AGMO: variants seen among roughly 807,000 people sequenced by gnomAD.
AGMO encodes glyceryl-ether monooxygenase.
A neutral mutation model predicts 60.2 loss-of-function variants in AGMO; 75 were observed. The ratio of observed to expected loss-of-function variants is 1.25; its 90% confidence interval spans 1.03 to 1.51. The LOEUF (loss-of-function observed/expected upper bound fraction) is 1.51, where lower values mean the gene tolerates loss of function less well. Among genes scored for constraint, AGMO ranks in the 40% most tolerant of loss-of-function variants. The probability of loss-of-function intolerance (pLI) is 0.00; values close to 1 mark genes in which losing one functional copy is unlikely to be tolerated. For synonymous variants in AGMO, 261 were observed against 177.1 expected, an observed-to-expected ratio of 1.47 and a Z score of -3.76; for missense variants, 763 against 525.5, an observed-to-expected ratio of 1.45 and a Z score of -4.42.
the AGMO span, among the ~76,000 whole-genome samples, chr7:15,175,977 C>T: frequency 2.0e-5 from 3 of 151,756 alleles, no homozygotes; most frequent in African/African-American, 7.3e-5. Context: ...ATACATGGAA[C>T]CAAGATCACA....
chr7:15,446,382 A>C (rs1425542074), intron 3 of AGMO, among the ~76,000 whole-genome samples: 1 of 152,226 alleles, frequency 6.6e-6, no homozygotes, highest in Non-Finnish European at 1.5e-5. Flanking sequence ...CAACTTAAAA[A>C]TATCAATAAA....
chr7:15,164,687 CA>C, the AGMO span, among the ~76,000 whole-genome samples: 4 of 151,874 alleles, frequency 2.6e-5, no homozygotes, highest in African/African-American at 9.7e-5. Flanking sequence ...GTTTAAACCA[CA>C]ATGAGATACT....
intron 3 of AGMO, among the ~76,000 whole-genome samples, chr7:15,496,356 T>C (rs924643401): frequency 6.6e-6 from 1 of 152,132 alleles, no homozygotes; most frequent in Non-Finnish European, 1.5e-5. Flanking sequence ...ATGTTATACC[T>C]CAACAAAAAG....
At chr7:15,376,741 G>A (rs1186319125) in intron 10 of AGMO, among the ~76,000 whole-genome samples, 3 of 151,924 alleles carry the variant, frequency 2.0e-5, no homozygotes, top group African/African-American at 7.3e-5. Flanking sequence ...TTTCCAACAT[G>A]TACTCATGAT....
rs1249236900 is a variant in AGMO at position 15,223,507 on chromosome 7, G to T, written c.1264-22148C>A. 2.0e-5 allele frequency among the ~76,000 whole-genome samples: 3 copies of T among 151,944 alleles called. No homozygotes were observed. In the East Asian group the frequency reaches 5.8e-4, roughly 29 times the overall value. ...GGTAGATGCTATAACTTTTTAAAAA[G>T]AAAATGTAAAGAACAGACACATTTA... On this transcript the variant is annotated intron_variant, in intron 12 of 12. Coordinates refer to ENST00000342526, the MANE Select transcript of AGMO (RefSeq NM_001004320.2).
At position 15,354,341 on chromosome 7, in the gene AGMO, C is replaced by CAGGCGTGTATATAG. The variant is rs1554422552; in HGVS notation, c.1263+11172_1263+11173insCTATATACACGCCT. 2.9e-4 allele frequency among the ~76,000 whole-genome samples: 10 copies of CAGGCGTGTATATAG among 34,062 alleles called. 2 individuals are homozygous for CAGGCGTGTATATAG. Among genetic ancestry groups the CAGGCGTGTATATAG allele is most frequent in the South Asian group, 9.4e-4 (1 of 1,060 alleles). 22.3% of individuals were successfully genotyped at this position (34,062 alleles called of 152,430 possible). On this transcript the variant is annotated intron_variant, in intron 12 of 12. Transcript: ENST00000342526. Reference sequence around the variant, plus strand: ...GTGTATATACGTACGCGTGTATATACACGCGTGTATATAGACGTGTGTATA... The same window carrying CAGGCGTGTATATAG: ...GTGTATATACGTACGCGTGTATATACAGGCGTGTATATAGACGCGTGTATATAGACGTGTGTATA...
chr7:15,236,782 T>C (rs200762929), intron 12 of AGMO, among the ~76,000 whole-genome samples: 7 of 151,684 alleles, frequency 4.6e-5, no homozygotes, highest in East Asian at 1.9e-4. Context: ...CAAAAAAAAA[T>C]GGAGTCTAGT....
At chr7:15,527,074 A>G (rs1312047335) in intron 3 of AGMO, among the ~76,000 whole-genome samples, 2 of 152,154 alleles carry the variant, frequency 1.3e-5, no homozygotes, top group Admixed American at 1.3e-4. Flanking sequence ...AATTAAGCCA[A>G]TTAATAACCC....
At chr7:15,500,629 A>C (rs1783358688) in intron 3 of AGMO, among the ~76,000 whole-genome samples, 1 of 151,906 alleles carries the variant, frequency 6.6e-6, no homozygotes, top group South Asian at 2.1e-4. Context: ...TAAAGGAAGA[A>C]AAGAACCAAC....
intron 3 of AGMO, among the ~76,000 whole-genome samples, chr7:15,473,002 T>C (rs1782489319): frequency 6.6e-6 from 1 of 151,918 alleles, no homozygotes; most frequent in Non-Finnish European, 1.5e-5. Flanking sequence ...AAAGCTAATT[T>C]TCCTCAGTGT....
chr7:15,135,979 C>CTTTTTTTTTTTTTTTTTTTGTTT, the AGMO span, among the ~76,000 whole-genome samples: 1 of 106,870 alleles, frequency 9.4e-6, no homozygotes, highest in Non-Finnish European at 1.8e-5. Flanking sequence ...TTTTTCTTTT[C>CTTTTTTTTTTTTTTTTTTTGTTT]TTTTTTTTTT....
intron 3 of AGMO, among the ~76,000 whole-genome samples, chr7:15,522,720 T>A (rs767263702): frequency 2.4e-4 from 36 of 152,150 alleles, no homozygotes; most frequent in Non-Finnish European, 4.9e-4. Flanking sequence ...GATTTAAACA[T>A]AGGTCCTCAA....
intron 3 of AGMO, among the ~76,000 whole-genome samples, chr7:15,444,053 A>G (rs1279020522): frequency 3.3e-5 from 5 of 152,194 alleles, no homozygotes; most frequent in African/African-American, 1.2e-4. Flanking sequence ...ACTATTTTGT[A>G]TCCACCACTA....
chr7:15,502,903 C>T (rs751621746), intron 3 of AGMO, among the ~76,000 whole-genome samples: 3 of 151,974 alleles, frequency 2.0e-5, no homozygotes, highest in African/African-American at 7.2e-5. Context: ...TAGATTTCTG[C>T]TTCTGTGCTA....
the AGMO span, among the ~76,000 whole-genome samples, chr7:15,171,645 A>G: frequency 6.6e-6 from 1 of 152,232 alleles, no homozygotes; most frequent in Non-Finnish European, 1.5e-5. Context: ...AATTTACTGT[A>G]TCTTTCCATG....
At chr7:15,224,194 G>A (rs903462594) in intron 12 of AGMO, among the ~76,000 whole-genome samples, 15 of 151,792 alleles carry the variant, frequency 9.9e-5, no homozygotes, top group African/African-American at 3.6e-4. Context: ...AAAAAAATAC[G>A]ATTCACAGAA....
At chr7:15,147,460 G>C in the AGMO span, among the ~76,000 whole-genome samples, 1 of 151,920 alleles carries the variant, frequency 6.6e-6, no homozygotes, top group Non-Finnish European at 1.5e-5. Flanking sequence ...ATTAGATCTT[G>C]TGAGACTTAT....
intron 12 of AGMO, among the ~76,000 whole-genome samples, chr7:15,256,831 ACT>A (rs1295868067): frequency 3.9e-5 from 6 of 152,112 alleles, no homozygotes; most frequent in African/African-American, 1.4e-4. Flanking sequence ...AGTACTGTAC[ACT>A]CTATGATGTT....
chr7:15,326,288 T>C (rs997749703), intron 12 of AGMO, among the ~76,000 whole-genome samples: 1 of 152,184 alleles, frequency 6.6e-6, no homozygotes, highest in Non-Finnish European at 1.5e-5. Context: ...CTGTATTTGA[T>C]TACTTACTGA....
Sources: gnomAD v4.1 joint callset for allele counts (sites outside exome capture counted in the v4.1 genomes callset) on GRCh38, gnomAD v4.1.1 for gene constraint, MANE v1.5 for transcripts, NCBI Gene and HGNC (gene_info 2026-07-23, HGNC 2026-07-21) for gene names.